The following DNAAF8 variants were observed in gnomAD, a reference collection of about 807,000 sequenced individuals.
The protein encoded by DNAAF8 is dynein axonemal-associated protein 1.
In DNAAF8, 61 loss-of-function variants were observed where a neutral mutation model predicts 54.6. The observed-to-expected ratio is 1.12, with a 90% confidence interval of 0.91 to 1.38. DNAAF8 has a LOEUF of 1.38. Among genes scored for constraint, DNAAF8 ranks in the 40% most tolerant of loss-of-function variants. The probability of loss-of-function intolerance (pLI) is 0.00; values close to 1 mark genes in which losing one functional copy is unlikely to be tolerated. For synonymous variants in DNAAF8, 320 were observed against 270.1 expected (o/e 1.18, Z -1.81); for missense variants, 837 against 665.0 (o/e 1.26, Z -2.85).
chr16:4,747,115 G>C, intron 8 of DNAAF8, 90 bp downstream of exon 8: 2 of 1,333,786 alleles, frequency 1.5e-6, no homozygotes, highest in Non-Finnish European at 2.0e-6. Context: ...ACCGCCTGTG[G>C]TGAGGTCTTG....
At chr16:4,737,742 G>C in intron 2 of DNAAF8, 58 bp from the exon 3 acceptor site, 25 of 1,588,048 alleles carry the variant, frequency 1.6e-5, no homozygotes, top group Non-Finnish European at 2.2e-5. Flanking sequence ...GGGGTGGCTA[G>C]GCCCTCAGGG....
In DNAAF8 at chr16:4,748,942, G is replaced by A. The variant is rs2082051912; in HGVS notation, c.*227G>A. The A allele has an allele frequency of 6.6e-6, 1 of 152,302 alleles. No individual in the cohort carries two copies. The highest frequency in any genetic ancestry group is 6.5e-5 in the Admixed American group (1 of 15,282). The allele number at this position is 152,302 out of a possible 1,614,324, so 9.4% of individuals were successfully genotyped here. ...CCAGGCAAAAGACAGGCCCTGCTTG[G>A]CCGTGGTCACTGGCCGCCAAGATCA... On this transcript the variant is annotated 3_prime_UTR_variant, in exon 10 of 10. Transcript: ENST00000299320.
intron 5 of DNAAF8, among the ~76,000 whole-genome samples, chr16:4,744,186 C>A (rs2081984150): frequency 6.6e-6 from 1 of 152,178 alleles, no homozygotes; most frequent in Non-Finnish European, 1.5e-5. Flanking sequence ...CTGCCTCAGC[C>A]TCCCAAAGTG....
rs374196793 is a variant in DNAAF8, at chr16:4,747,476, C to T, written c.1414C>T (p.Arg472Ter). 205 of 1,613,278 alleles carry T rather than the reference C, an allele frequency of 1.3e-4. No individual in the cohort carries two copies. The highest frequency in any genetic ancestry group is 1.6e-4 in the South Asian group (15 of 91,090). The change falls in exon 9 of 10, where the codon CGA becomes TGA. Residue 472 changes from arginine to a stop codon, truncating the protein, a stop_gained. Coordinates refer to ENST00000299320, the MANE Select transcript of DNAAF8 (RefSeq NM_139170.3). LOFTEE classifies it high-confidence loss of function. Reference protein sequence around the residue: ...AQAPEDTAGSRTGRKQHMKLC... With the variant: ...AQAPEDTAGS The stretch of plus-strand genomic sequence containing the variant: ...GGCCCCTGAAGACACAGCTGGATCA[C>T]GAACTGGGAGGAAGCAACACATGAA...
chr16:4,735,495 CTG>C (rs2081876459), intron 1 of DNAAF8, among the ~76,000 whole-genome samples: 1 of 152,134 alleles, frequency 6.6e-6, no homozygotes, highest in South Asian at 2.1e-4. Context: ...GCCTCTCGAG[CTG>C]CAGAGTTCTC....
At chr16:4,743,755 T>C (rs1377957711) in intron 5 of DNAAF8, 1 of 152,362 alleles carries the variant, frequency 6.6e-6, no homozygotes, top group African/African-American at 2.4e-5. Context: ...AAGACTCCCC[T>C]GTGACTGACA....
intron 3 of DNAAF8, among the ~76,000 whole-genome samples, chr16:4,739,265 G>GTTTTTTTTTTGTTTTTTTTTTT (rs2081931860): frequency 4.3e-5 from 3 of 69,028 alleles, no homozygotes; most frequent in Non-Finnish European, 7.8e-5. Context: ...ATTTTTTCTT[G>GTTTTTTTTTTGTTTTTTTTTTT]TTTTTTTTTT....
intron 7 of DNAAF8, 132 bp from the exon 8 acceptor site, chr16:4,746,795 C>G (rs2082022822): frequency 2.3e-6 from 2 of 874,362 alleles, no homozygotes; most frequent in Non-Finnish European, 3.4e-6. Context: ...GGCAGGACGT[C>G]CACCGGCCTC....
intron 5 of DNAAF8, 93 bp from the exon 6 acceptor site, chr16:4,744,777 T>C: frequency 2.8e-6 from 4 of 1,446,922 alleles, no homozygotes; most frequent in South Asian, 1.3e-5. Context: ...TCCATTCACA[T>C]GTGGAGACCC....
chr16:4,744,751 G>A (rs2081991760), intron 5 of DNAAF8, 119 bp from the exon 6 acceptor site: 5 of 1,293,046 alleles, frequency 3.9e-6, no homozygotes, highest in African/African-American at 2.9e-5. Context: ...GGCGGGGGCA[G>A]TGGAGGAGCC....
At chr16:4,747,107 C>G in intron 8 of DNAAF8, 82 bp downstream of exon 8, 4 of 1,372,256 alleles carry the variant, frequency 2.9e-6, no homozygotes, top group Non-Finnish European at 3.9e-6. Context: ...GCACATTTAC[C>G]GCCTGTGGTG....
intron 1 of DNAAF8, 52 bp downstream of exon 1, chr16:4,734,750 G>A (rs1023442046): frequency 1.3e-5 from 2 of 152,302 alleles, no homozygotes; most frequent in Non-Finnish European, 2.9e-5. Context: ...AAAACGCGGG[G>A]AAATACGGGC....
rs2082055770 is a variant in DNAAF8 at position 4,749,264 on chromosome 16, G to A, written c.*549G>A. On this transcript the variant is annotated 3_prime_UTR_variant, in exon 10 of 10. Transcript: ENST00000299320. ...CAGCCTGGCGGCCTCCGCTGTGGCT[G>A]CCTAGCTGTCAAGAGCAAAGGCTTT... 6.5e-6 allele frequency: 1 copy of A among 154,480 alleles called. No individual in the cohort carries two copies. Among genetic ancestry groups the A allele is most frequent in the South Asian group, 2.0e-4 (1 of 4,932 alleles). 9.6% of individuals were successfully genotyped at this position (154,480 alleles called of 1,614,324 possible). A position where few individuals can be genotyped will look rare whatever the true frequency, so the allele number is the denominator to read the frequency against.
chr16:4,742,807 C>T (rs2081971863), intron 4 of DNAAF8, among the ~76,000 whole-genome samples: 1 of 152,156 alleles, frequency 6.6e-6, no homozygotes, highest in African/African-American at 2.4e-5. Flanking sequence ...AAGTACTGAT[C>T]CCCAAGAAAG....
Position 4,740,508 on chromosome 16 carries a change from T to A in DNAAF8, c.632T>A (p.Ile211Asn). Reference protein sequence around the residue: ...QERRKMIETDILQKVTRDACG... With the variant: ...QERRKMIETDNLQKVTRDACG... ...AGAAGGAAGATGATAGAGACGGACA[T>A]CCTCCAGAAAGTCACCCGGGATGCC... Residue 211 changes from isoleucine to asparagine, a missense_variant, in exon 4 of 10, where the codon ATC (isoleucine) becomes AAC (asparagine). By Grantham distance (149) the Ile-to-Asn change is moderately radical. Transcript: ENST00000299320. 1 of 1,613,942 alleles carries A rather than the reference T, an allele frequency of 6.2e-7. No homozygotes were observed. The highest frequency in any genetic ancestry group is 8.5e-7 in the Non-Finnish European group (1 of 1,179,990).
chr16:4,736,793 C>T (rs1351075959), intron 2 of DNAAF8, 150 bp downstream of exon 2: 7 of 917,158 alleles, frequency 7.6e-6, no homozygotes, highest in South Asian at 6.7e-5. Flanking sequence ...CATGGCCAGA[C>T]TCAAAGTTGT....
intron 1 of DNAAF8, 84 bp from the exon 2 acceptor site, chr16:4,736,380 G>A: frequency 9.5e-7 from 1 of 1,057,970 alleles, no homozygotes; most frequent in African/African-American, 1.6e-5. Context: ...AGCCTGTTTG[G>A]TCTCCTACAG....
At chr16:4,747,295 G>A in intron 8 of DNAAF8, 48 bp from the exon 9 acceptor site, 1 of 1,514,428 alleles carries the variant, frequency 6.6e-7, no homozygotes, top group East Asian at 2.3e-5. Context: ...AGGGCTGGGA[G>A]GGGCGGCCCC....
At chr16:4,746,312 C>A in intron 6 of DNAAF8, 63 bp from the exon 7 acceptor site, 1 of 1,522,864 alleles carries the variant, frequency 6.6e-7, no homozygotes. Context: ...TGGACAAACC[C>A]AGCGCAGGTC....
Sources: gnomAD v4.1 joint callset for allele counts (sites outside exome capture counted in the v4.1 genomes callset) on GRCh38, gnomAD v4.1.1 for gene constraint, MANE v1.5 for transcripts, NCBI Gene and HGNC (gene_info 2026-07-23, HGNC 2026-07-21) for gene names.